KALRN: variants seen among roughly 807,000 people sequenced by gnomAD.
KALRN encodes kalirin.
A neutral mutation model predicts 353.7 loss-of-function variants in KALRN; 70 were observed. The ratio of observed to expected loss-of-function variants is 0.20; its 90% CI spans 0.16 to 0.24. The LOEUF is 0.24. Ranked by LOEUF, KALRN falls within the 10% of genes least tolerant of loss-of-function variation. KALRN has a pLI of 1.00. For synonymous variants in KALRN, 1,391 were observed against 1,434.8 expected (o/e 0.97, Z 0.69); for missense variants, 2,791 against 3,756.7 (o/e 0.74, Z 6.72).
chr3:124,723,227 T>C lies in KALRN; in HGVS notation c.*3757T>C, dbSNP rs1158196260. The C allele has an allele frequency of 5.9e-5, 9 of 152,220 alleles. No individual in the cohort carries two copies. The highest frequency in any genetic ancestry group is 5.9e-4 in the Admixed American group (9 of 15,282). 9.4% of individuals were successfully genotyped at this position (152,220 alleles called of 1,614,324 possible). Reference sequence around the variant, plus strand: ...GATAAAGAAGTTCATTGCATTTAGATGTACTGATATTGCAGCATTTTTTCT... The same window carrying C: ...GATAAAGAAGTTCATTGCATTTAGACGTACTGATATTGCAGCATTTTTTCT... On this transcript the variant is annotated 3_prime_UTR_variant, in exon 60 of 60. Transcript: ENST00000682506.
chr3:124,268,881 G>T lies in KALRN; in HGVS notation c.595G>T (p.Ala199Ser), dbSNP rs748202694. The T allele has an allele frequency of 1.2e-6, 2 of 1,614,098 alleles. No homozygotes were observed. Among genetic ancestry groups the T allele is most frequent in the East Asian group, 4.5e-5 (2 of 44,864 alleles). ...CTCCCTGGAGGAGTTCTTCAACAGC[G>T]CCGTGCACCTGCTCTCGCGCCTCGA... ...RLSLEEFFNS[A>S]VHLLSRLEDL... is the part of the protein sequence containing the mutation. The change falls in exon 5 of 60, where the codon GCC (alanine) becomes TCC (serine). Residue 199 changes from alanine (A) to serine (S), a missense_variant. Physicochemically the swap from Ala to Ser is moderately conservative, Grantham distance 99 (BLOSUM62 1). Transcript: ENST00000682506.
rs557386099 is a variant in KALRN, at chr3:124,726,216, C to A, written c.*6746C>A. On this transcript the variant is annotated 3_prime_UTR_variant, in exon 60 of 60. Transcript: ENST00000682506. ...CATGTGTAATGTTGTAAAGTGATGA[C>A]CTGCTGTCTTGTTACTGCTACAGTA... 5 of 152,210 alleles carry A rather than the reference C, an allele frequency of 3.3e-5. No individual in the cohort carries two copies. Among genetic ancestry groups the A allele is most frequent in the Non-Finnish European group, 5.9e-5 (4 of 68,006 alleles). 9.4% of individuals were successfully genotyped at this position (152,210 alleles called of 1,614,324 possible).
intron 1 of KALRN, among the ~76,000 whole-genome samples, chr3:124,200,748 T>G (rs886547842): frequency 7.9e-5 from 12 of 152,144 alleles, no homozygotes; most frequent in Admixed American, 6.5e-4. Context: ...TGGGGTATAT[T>G]TTTTTCACAG....
At chr3:124,347,063 G>A (rs2082326983) in intron 9 of KALRN, 80 bp from the exon 10 acceptor site, 1 of 1,597,732 alleles carries the variant, frequency 6.3e-7, no homozygotes, top group African/African-American at 1.3e-5. Context: ...GGGTGGTTAG[G>A]ACTCTAGCAG....
intron 13 of KALRN, among the ~76,000 whole-genome samples, chr3:124,403,868 A>T (rs970812771): frequency 1.3e-5 from 2 of 152,236 alleles, no homozygotes; most frequent in African/African-American, 4.8e-5. Context: ...GAATTCTATG[A>T]TAGAGGCTCC....
At chr3:124,426,209 T>C (rs2093011275) in intron 15 of KALRN, among the ~76,000 whole-genome samples, 1 of 152,170 alleles carries the variant, frequency 6.6e-6, no homozygotes, top group South Asian at 2.1e-4. Context: ...TTGTGTTTGA[T>C]GGAAATTGGT....
intron 33 of KALRN, among the ~76,000 whole-genome samples, chr3:124,496,714 C>T (rs1339187041): frequency 6.6e-6 from 1 of 152,168 alleles, no homozygotes; most frequent in Admixed American, 6.5e-5. Context: ...TGAGATGCCC[C>T]ACCTGGGCTT....
intron 1 of KALRN, among the ~76,000 whole-genome samples, chr3:124,080,262 T>TA (rs1196257312): frequency 1.3e-5 from 2 of 152,176 alleles, no homozygotes; most frequent in African/African-American, 4.8e-5. Flanking sequence ...AACTTTTTTT[T>TA]AAAAAGCTAA....
chr3:124,146,466 C>G (rs746118661), intron 1 of KALRN, among the ~76,000 whole-genome samples: 1 of 152,074 alleles, frequency 6.6e-6, no homozygotes, highest in Non-Finnish European at 1.5e-5. Flanking sequence ...AAAAATCAAA[C>G]TGAGCCTTCA....
At chr3:124,370,526 G>A (rs912978586) in intron 10 of KALRN, among the ~76,000 whole-genome samples, 5 of 152,290 alleles carry the variant, frequency 3.3e-5, no homozygotes, top group East Asian at 3.9e-4. Flanking sequence ...CCAAGAAACC[G>A]TTGCTATGGT....
intron 4 of KALRN, among the ~76,000 whole-genome samples, chr3:124,266,393 G>T (rs1388965597): frequency 6.6e-6 from 1 of 151,978 alleles, no homozygotes; most frequent in Non-Finnish European, 1.5e-5. Context: ...TTTTTTCAAG[G>T]ATGATGTATT....
chr3:124,643,355 T>G (rs2082323502), intron 37 of KALRN, among the ~76,000 whole-genome samples: 1 of 152,040 alleles, frequency 6.6e-6, no homozygotes, highest in African/African-American at 2.4e-5. Context: ...ATCTGAAATG[T>G]CATTGGCCTG....
intron 33 of KALRN, among the ~76,000 whole-genome samples, chr3:124,546,236 T>A (rs2069631993): frequency 6.7e-6 from 1 of 150,154 alleles, no homozygotes; most frequent in Non-Finnish European, 1.5e-5. Context: ...GGCAGATCAT[T>A]TGAGCCCAGG....
At chr3:124,646,113 G>T (rs1029597037) in intron 37 of KALRN, among the ~76,000 whole-genome samples, 2 of 152,100 alleles carry the variant, frequency 1.3e-5, no homozygotes, top group African/African-American at 2.4e-5. Flanking sequence ...AGAGGTGATT[G>T]GTTGGTGTGG....
At chr3:124,448,697 G>A (rs184300374) in intron 21 of KALRN, among the ~76,000 whole-genome samples, 107 of 151,370 alleles carry the variant, frequency 7.1e-4, no homozygotes, top group African/African-American at 2.5e-3. Context: ...CCTGCACTAC[G>A]GCCCTTGTCC....
chr3:124,275,351 A>G (rs540370115), intron 5 of KALRN, among the ~76,000 whole-genome samples: 1 of 152,266 alleles, frequency 6.6e-6, no homozygotes, highest in South Asian at 2.1e-4. Flanking sequence ...ACAACTTAAC[A>G]ATTGTATAAT....
At chr3:124,614,051 G>T (rs574693599) in intron 34 of KALRN, among the ~76,000 whole-genome samples, 1 of 152,142 alleles carries the variant, frequency 6.6e-6, no homozygotes, top group Admixed American at 6.5e-5. Context: ...TATAAACCTG[G>T]CCTCAGACTA....
chr3:124,601,249 C>G (rs2076775839), intron 34 of KALRN, among the ~76,000 whole-genome samples: 1 of 152,142 alleles, frequency 6.6e-6, no homozygotes, highest in Non-Finnish European at 1.5e-5. Flanking sequence ...TCCTGGCTAC[C>G]TGGTATATGG....
In KALRN at chr3:124,671,967, G is replaced by A. The variant is rs2086516505; in HGVS notation, c.6942+69G>A. On this transcript the variant is annotated intron_variant, in intron 48 of 59. Transcript: ENST00000682506. ...ATAGCCTCAGGGGTTACTTTAGGAA[G>A]AGAAGGAGTCTCGGTCTGTCATCCA... The A allele has an allele frequency of 3.4e-6, 4 of 1,185,088 alleles. No homozygotes were observed. In the South Asian group the frequency reaches 5.3e-5, roughly 16 times the overall value. The allele number at this position is 1,185,088 out of a possible 1,614,324, so 73.4% of individuals were successfully genotyped here.
Sources: gnomAD v4.1 joint callset for allele counts (sites outside exome capture counted in the v4.1 genomes callset) on GRCh38, gnomAD v4.1.1 for gene constraint, MANE v1.5 for transcripts, NCBI Gene and HGNC (gene_info 2026-07-23, HGNC 2026-07-21) for gene names.